SPAG17: variants seen among roughly 807,000 people sequenced by gnomAD.
SPAG17 encodes the protein sperm-associated antigen 17.
A neutral mutation model predicts 273.6 loss-of-function variants in SPAG17; 169 were observed. The ratio of observed to expected loss-of-function variants is 0.62; its 90% CI spans 0.55 to 0.70. The LOEUF is 0.70. Among genes scored for constraint, SPAG17 ranks in the 30% least tolerant of loss-of-function variants. SPAG17 has a pLI of 0.00. For missense variants in SPAG17, 2,557 were observed against 2,627.8 expected (o/e 0.97, Z 0.59); for synonymous variants, 825 against 873.2 (o/e 0.94, Z 0.97).
At chr1:118,125,230 C>CATATATATATAT (rs564502550) in intron 3 of SPAG17, among the ~76,000 whole-genome samples, 5 of 141,274 alleles carry the variant, frequency 3.5e-5, no homozygotes, top group African/African-American at 1.5e-4. Context: ...TTATTGTATT[C>CATATATATATAT]ATATATATAT....
At chr1:117,977,059 C>A (rs1436749567) in intron 43 of SPAG17, among the ~76,000 whole-genome samples, 2 of 151,792 alleles carry the variant, frequency 1.3e-5, no homozygotes, top group African/African-American at 4.8e-5. Flanking sequence ...CCTGTAATTC[C>A]AGCACTTTGG....
At chr1:117,974,544 A>G (rs1654930782) in intron 43 of SPAG17, among the ~76,000 whole-genome samples, 1 of 152,072 alleles carries the variant, frequency 6.6e-6, no homozygotes, top group Admixed American at 6.5e-5. Context: ...AAAAAATCCC[A>G]AGCATTTCTT....
chr1:118,012,978 C>T (rs1659628210), intron 29 of SPAG17, among the ~76,000 whole-genome samples: 1 of 152,144 alleles, frequency 6.6e-6, no homozygotes, highest in African/African-American at 2.4e-5. Flanking sequence ...GGTTGCTGCT[C>T]CTGAGCTCTG....
chr1:118,177,869 A>G (rs1165382232), intron 1 of SPAG17, among the ~76,000 whole-genome samples: 2 of 152,200 alleles, frequency 1.3e-5, no homozygotes, highest in African/African-American at 4.8e-5. Flanking sequence ...TGAACCATGA[A>G]TAAATAGATA....
At chr1:118,184,980 G>C in intron 1 of SPAG17, 91 bp downstream of exon 1, 1 of 1,070,268 alleles carries the variant, frequency 9.3e-7, no homozygotes, top group South Asian at 1.3e-5. Context: ...ATACGGAAGA[G>C]AGGGCGAGCC....
intron 1 of SPAG17, among the ~76,000 whole-genome samples, chr1:118,179,572 C>T (rs1660847711): frequency 6.6e-6 from 1 of 151,666 alleles, no homozygotes; most frequent in Non-Finnish European, 1.5e-5. Flanking sequence ...CATATGCAAC[C>T]AAAGCAAAAA....
At chr1:117,990,931 T>C (rs775481913) in intron 37 of SPAG17, 25 bp from the exon 38 acceptor site, 39 of 1,425,692 alleles carry the variant, frequency 2.7e-5, no homozygotes, top group Non-Finnish European at 3.8e-5. Flanking sequence ...GAATTACTTA[T>C]GATGATTATA....
intron 26 of SPAG17, among the ~76,000 whole-genome samples, chr1:118,025,821 A>C (rs1331851444): frequency 6.6e-6 from 1 of 152,150 alleles, no homozygotes; most frequent in Non-Finnish European, 1.5e-5. Context: ...CTGCATGTGA[A>C]TAATAGGGCA....
At chr1:118,147,273 T>A (rs2102337574) in intron 3 of SPAG17, among the ~76,000 whole-genome samples, 1 of 151,888 alleles carries the variant, frequency 6.6e-6, no homozygotes, top group Middle Eastern at 3.4e-3. Context: ...CGAGTATGTT[T>A]GTTAATATTC....
Position 117,992,537 on chromosome 1 carries a change from G to T in SPAG17, c.5290C>A (p.Gln1764Lys). 6.2e-7 allele frequency: 1 copy of T among 1,613,820 alleles called. No individual in the cohort carries two copies. Among genetic ancestry groups the T allele is most frequent in the South Asian group, 1.1e-5 (1 of 91,060 alleles). ...TCATGCTGAATGAATTGGCGCATCT[G>T]TAGCACACTGGGGCTCTTGAGTATG... is the stretch of plus-strand genomic sequence containing the variant. ...GAILKSPSVL[Q>K]MRQFIQHEVI... The change falls in exon 36 of 49, where the codon CAG (glutamine) becomes AAG (lysine). Residue 1764 changes from glutamine (Q) to lysine (K), a missense_variant. Transcript: ENST00000336338.
At chr1:118,179,085 G>GA (rs1344127206) in intron 1 of SPAG17, among the ~76,000 whole-genome samples, 2 of 151,904 alleles carry the variant, frequency 1.3e-5, no homozygotes, top group African/African-American at 2.4e-5. Flanking sequence ...GGTCTTCACA[G>GA]AAATAGAAAA....
intron 17 of SPAG17, among the ~76,000 whole-genome samples, chr1:118,070,308 C>A (rs942209695): frequency 3.9e-5 from 6 of 152,116 alleles, no homozygotes; most frequent in African/African-American, 1.4e-4. Flanking sequence ...TATAGAAAGT[C>A]TCAGGATATG....
intron 32 of SPAG17, among the ~76,000 whole-genome samples, chr1:118,004,066 A>G (rs1658598474): frequency 6.6e-6 from 1 of 152,190 alleles, no homozygotes; most frequent in Non-Finnish European, 1.5e-5. Context: ...TCTAATAGTC[A>G]GGTCCTTCAG....
chr1:118,127,418 T>C (rs961271624), intron 3 of SPAG17, among the ~76,000 whole-genome samples: 1 of 152,050 alleles, frequency 6.6e-6, no homozygotes, highest in Non-Finnish European at 1.5e-5. Context: ...AGGAGCAAGA[T>C]GGGAGTGTGG....
chr1:117,953,925 T>G lies in SPAG17; in HGVS notation c.*125A>C. 1 of 1,200,978 alleles carries G rather than the reference T, an allele frequency of 8.3e-7. No homozygotes were observed. Among genetic ancestry groups the G allele is most frequent in the Non-Finnish European group, 1.2e-6 (1 of 845,596 alleles). The allele number at this position is 1,200,978 out of a possible 1,614,324, so 74.4% of individuals were successfully genotyped here. On this transcript the variant is annotated 3_prime_UTR_variant, in exon 49 of 49. Coordinates refer to ENST00000336338, the MANE Select transcript of SPAG17 (RefSeq NM_206996.4). ...ATTGAAGCTATTTCATTTGGCAAATTTCTGGTCAGTTCTTCCAGTTTCAGT... is the reference window on the plus strand; with the variant it reads ...ATTGAAGCTATTTCATTTGGCAAATGTCTGGTCAGTTCTTCCAGTTTCAGT...
chr1:118,165,918 C>T (rs1439043624), intron 1 of SPAG17, among the ~76,000 whole-genome samples: 2 of 152,164 alleles, frequency 1.3e-5, no homozygotes, highest in African/African-American at 2.4e-5. Flanking sequence ...GCTGGGATTA[C>T]GGGCGTGAGC....
chr1:118,079,466 T>C (rs957583934), intron 15 of SPAG17, among the ~76,000 whole-genome samples: 2 of 152,058 alleles, frequency 1.3e-5, no homozygotes, highest in Non-Finnish European at 2.9e-5. Context: ...GAGTTATTCA[T>C]GGGTTTTTAT....
chr1:118,123,842 AG>A (rs1413421442), intron 3 of SPAG17, among the ~76,000 whole-genome samples: 16 of 152,246 alleles, frequency 1.1e-4, no homozygotes, highest in Non-Finnish European at 2.2e-4. Context: ...TGGGGCTGTA[AG>A]GAAGTTTCAG....
chr1:118,042,077 T>G (rs2101933066), intron 20 of SPAG17, 35 bp from the exon 21 acceptor site: 1 of 1,586,306 alleles, frequency 6.3e-7, no homozygotes. Context: ...ACAGGATTTT[T>G]AAACGAATTA....
Sources: gnomAD v4.1 joint callset for allele counts (sites outside exome capture counted in the v4.1 genomes callset) on GRCh38, gnomAD v4.1.1 for gene constraint, MANE v1.5 for transcripts, NCBI Gene and HGNC (gene_info 2026-07-23, HGNC 2026-07-21) for gene names.